The following SPTBN4 variants were observed in gnomAD, a reference collection of about 807,000 sequenced individuals.
The protein encoded by SPTBN4 is spectrin beta, non-erythrocytic 4.
In SPTBN4, 96 loss-of-function variants were observed where a neutral mutation model predicts 277.8. The observed-to-expected ratio is 0.35, with a 90% CI of 0.29 to 0.41. SPTBN4 has a LOEUF of 0.41. SPTBN4 is among the 10% of genes least tolerant of loss of function. The pLI is 1.00. For missense variants in SPTBN4, 3,006 were observed against 3,595.7 expected, an observed-to-expected ratio of 0.84 and a Z score of 4.19; for synonymous variants, 1,481 against 1,580.3, an observed-to-expected ratio of 0.94 and a Z score of 1.49.
At chr19:40,555,986 G>T in intron 24 of SPTBN4, 98 bp from the exon 25 acceptor site, 1 of 1,083,706 alleles carries the variant, frequency 9.2e-7, no homozygotes, top group East Asian at 2.6e-5. Context: ...AAGATTCCAA[G>T]GAAACACAGC....
chr19:40,499,303 G>C (rs1372729390), intron 7 of SPTBN4, among the ~76,000 whole-genome samples: 2 of 150,580 alleles, frequency 1.3e-5, no homozygotes, highest in Non-Finnish European at 3.0e-5. Flanking sequence ...TCCTCCCAAA[G>C]AGCTGGGATT....
chr19:40,519,897 G>A lies in SPTBN4; in HGVS notation c.3400G>A (p.Ala1134Thr). The A allele has an allele frequency of 6.5e-7, 1 of 1,533,678 alleles. No individual in the cohort carries two copies. Residue 1134 changes from alanine (A) to threonine (T), a missense_variant, in exon 16 of 36, where the codon GCG (alanine) becomes ACG (threonine). Ala to Thr is a moderately conservative substitution (Grantham distance 58). Around this residue, in one of 5 missense-constraint regions of SPTBN4, gnomAD observed 1,759 missense variants for 2,061.5 expected, o/e 0.85. Transcript: ENST00000598249. This position sits in a 1 kb window ranked among gnomAD's most constrained non-coding sequence, Gnocchi z 5.7. ...EADALLARHA[A>T]LKEEVDQREE... ...GGACGCGCTGCTGGCGCGCCACGCT[G>A]CGCTCAAGGAGGAGGTGGACCAGCG...
Position 40,566,250 on chromosome 19 carries a change from T to C in SPTBN4, c.6227T>C (p.Leu2076Pro). The change falls in exon 30 of 36, where the codon CTG becomes CCG. Residue 2076 changes from leucine to proline, a missense_variant. This residue lies in a region of SPTBN4 where 425 missense variants were observed against 594.7 expected (regional missense o/e 0.71). Transcript: ENST00000598249. ...GAGCCGCTCCTGCAGAGCCGGGAGCTGGGCAGCAGCGTGGATGAGGTGGAG... is the reference window on the plus strand; with the variant it reads ...GAGCCGCTCCTGCAGAGCCGGGAGCCGGGCAGCAGCGTGGATGAGGTGGAG... Reference protein sequence around the residue: ...AQEPLLQSRELGSSVDEVEQL... With the variant: ...AQEPLLQSREPGSSVDEVEQL... The C allele has an allele frequency of 6.4e-7, 1 of 1,569,472 alleles. No homozygotes were observed. The highest frequency in any genetic ancestry group is 8.6e-7 in the Non-Finnish European group (1 of 1,157,118).
At chr19:40,571,057 A>G in intron 33 of SPTBN4, 1 of 309,520 alleles carries the variant, frequency 3.2e-6, no homozygotes, top group Non-Finnish European at 6.1e-6. Flanking sequence ...GATGATGGGT[A>G]GAGCTTAGGT....
At chr19:40,517,778 A>G (rs1008060818) in intron 15 of SPTBN4, among the ~76,000 whole-genome samples, 10 of 152,304 alleles carry the variant, frequency 6.6e-5, no homozygotes, top group Middle Eastern at 3.4e-3. Flanking sequence ...TACACACTCA[A>G]TGAAGTGGAC....
intron 18 of SPTBN4, among the ~76,000 whole-genome samples, chr19:40,530,178 A>G (rs1205627412): frequency 6.6e-6 from 1 of 151,994 alleles, no homozygotes; most frequent in Non-Finnish European, 1.5e-5. Flanking sequence ...ATGGTTCAGG[A>G]GGCCCCCACC....
chr19:40,535,069 T>C (rs1220580064), intron 20 of SPTBN4, among the ~76,000 whole-genome samples: 3 of 152,170 alleles, frequency 2.0e-5, no homozygotes, highest in Non-Finnish European at 4.4e-5. Context: ...TTTGTTTTTT[T>C]CTTCAAGATA....
At chr19:40,467,624 G>C (rs924826436) in intron 1 of SPTBN4, among the ~76,000 whole-genome samples, 8 of 48,644 alleles carry the variant, frequency 1.6e-4, no homozygotes, top group South Asian at 1.9e-3. Flanking sequence ...CAGCCTTTGC[G>C]GGGGGGGGGG....
chr19:40,474,583 C>G (rs1208242217), intron 2 of SPTBN4, among the ~76,000 whole-genome samples: 1 of 151,920 alleles, frequency 6.6e-6, no homozygotes, highest in African/African-American at 2.4e-5. Context: ...GCATGCGCCA[C>G]CATGCCTGGC....
chr19:40,560,263 A>G lies in SPTBN4; in HGVS notation c.5775A>G (p.Lys1925=). Reference sequence around the variant, plus strand: ...AGCAGGAGGTGCTGCAGGGTTGGAAAGAGCTGCTGTCAGCCTGTGAGGATG... The same window carrying G: ...AGCAGGAGGTGCTGCAGGGTTGGAAGGAGCTGCTGTCAGCCTGTGAGGATG... ...SREQEVLQGW[K]ELLSACEDAR... The change falls in exon 27 of 36, where the codon AAA becomes AAG. Residue 1925 remains lysine (K), a synonymous_variant. Coordinates refer to ENST00000598249, the MANE Select transcript of SPTBN4 (RefSeq NM_020971.3). This position sits in a 1 kb window ranked among gnomAD's most constrained non-coding sequence, Gnocchi z 5.2. 1 of 1,613,856 alleles carries G rather than the reference A, an allele frequency of 6.2e-7. No individual in the cohort carries two copies.
intron 6 of SPTBN4, among the ~76,000 whole-genome samples, chr19:40,496,330 A>C (rs1429170946): frequency 6.6e-6 from 1 of 152,118 alleles, no homozygotes; most frequent in Non-Finnish European, 1.5e-5. Flanking sequence ...TTGTATTTTT[A>C]GTAGAGATGA....
chr19:40,519,253 C>A lies in SPTBN4; in HGVS notation c.2904-148C>A. 2.7e-6 allele frequency: 2 copies of A among 751,568 alleles called. No individual in the cohort carries two copies. Among genetic ancestry groups the A allele is most frequent in the Non-Finnish European group, 3.8e-6 (2 of 524,168 alleles). The allele number at this position is 751,568 out of a possible 1,614,324, so 46.6% of individuals were successfully genotyped here. A position where few individuals can be genotyped will look rare whatever the true frequency, so the allele number is the denominator to read the frequency against. On this transcript the variant is annotated intron_variant, in intron 15 of 35. Coordinates refer to ENST00000598249, the MANE Select transcript of SPTBN4 (RefSeq NM_020971.3). The surrounding 1 kb of genome is among the most constrained non-coding windows in gnomAD (Gnocchi z 5.7). Reference sequence around the variant, plus strand: ...TAAGCAAAAGTGCTGCGTAGGGTTCCATTTTACACCGGCAGAAACTGGAGA... The same window carrying A: ...TAAGCAAAAGTGCTGCGTAGGGTTCAATTTTACACCGGCAGAAACTGGAGA...
intron 20 of SPTBN4, among the ~76,000 whole-genome samples, chr19:40,545,766 G>C (rs1015951161): frequency 6.6e-5 from 10 of 152,008 alleles, no homozygotes; most frequent in African/African-American, 9.7e-5. Flanking sequence ...AATTGGCCAG[G>C]CGTGGTGGCT....
chr19:40,557,164 G>A lies in SPTBN4; in HGVS notation c.5431G>A (p.Gly1811Arg), dbSNP rs756313748. 2.9e-5 allele frequency: 47 copies of A among 1,610,994 alleles called. No homozygotes were observed. In the Admixed American group the frequency reaches 5.2e-4, roughly 18 times the overall value. Reference sequence around the variant, plus strand: ...GGCCACCATGGCCGAGTGGAAGGACGGACTGAACGAGGCCTGGGCTGAGCT... The same window carrying A: ...GGCCACCATGGCCGAGTGGAAGGACAGACTGAACGAGGCCTGGGCTGAGCT... ...AAATMAEWKD[G>R]LNEAWAELLE... Residue 1811 changes from glycine (G) to arginine (R), a missense_variant, in exon 26 of 36, where the codon GGA (glycine) becomes AGA (arginine). Physicochemically the swap from Gly to Arg is moderately radical, Grantham distance 125. This residue lies in a region of SPTBN4 where 425 missense variants were observed against 594.7 expected (regional missense o/e 0.71). Transcript: ENST00000598249.
Position 40,504,142 on chromosome 19 carries a change from GGGGGGC to G in SPTBN4, c.1665+15_1665+20del. The stretch of plus-strand genomic sequence containing the variant: ...GATGGAGGAGATGCAGGTGCCGGCG[GGGGGGC>G]GGGGATGCGGGTGGAGTGCCAGGAG... On this transcript the variant is annotated intron_variant, in intron 12 of 35. Coordinates refer to ENST00000598249, the MANE Select transcript of SPTBN4 (RefSeq NM_020971.3). The G allele has an allele frequency of 3.1e-6, 4 of 1,278,984 alleles. No individual in the cohort carries two copies. Among genetic ancestry groups the G allele is most frequent in the Non-Finnish European group, 4.4e-6 (4 of 907,622 alleles). The allele number at this position is 1,278,984 out of a possible 1,614,324, so 79.2% of individuals were successfully genotyped here.
chr19:40,519,877 C>A lies in SPTBN4; in HGVS notation c.3380C>A (p.Ala1127Glu). The A allele has an allele frequency of 1.3e-6, 2 of 1,503,874 alleles. No homozygotes were observed. Among genetic ancestry groups the A allele is most frequent in the Non-Finnish European group, 1.8e-6 (2 of 1,136,806 alleles). The allele number at this position is 1,503,874 out of a possible 1,614,324, so 93.2% of individuals were successfully genotyped here. ...CCCAACAGCCTAGAAGAGGCGGACGCGCTGCTGGCGCGCCACGCTGCGCTC... is the reference window on the plus strand; with the variant it reads ...CCCAACAGCCTAGAAGAGGCGGACGAGCTGCTGGCGCGCCACGCTGCGCTC... ...PLPNSLEEAD[A>E]LLARHAALKE... The change falls in exon 16 of 36, where the codon GCG becomes GAG. Residue 1127 changes from alanine to glutamate, a missense_variant. Physicochemically the swap from Ala to Glu is moderately radical, Grantham distance 107. Coordinates refer to ENST00000598249, the MANE Select transcript of SPTBN4 (RefSeq NM_020971.3). This position sits in a 1 kb window ranked among gnomAD's most constrained non-coding sequence, Gnocchi z 5.7.
intron 2 of SPTBN4, among the ~76,000 whole-genome samples, chr19:40,486,560 CAG>C (rs1464258824): frequency 1.3e-5 from 2 of 151,824 alleles, no homozygotes; most frequent in African/African-American, 4.8e-5. Flanking sequence ...TTTGTAGAGA[CAG>C]AGTCTTCACC....
Position 40,519,877 on chromosome 19 carries a change from C to G in SPTBN4, c.3380C>G (p.Ala1127Gly). 6.6e-7 allele frequency: 1 copy of G among 1,503,876 alleles called. No homozygotes were observed. Among genetic ancestry groups the G allele is most frequent in the Non-Finnish European group, 8.8e-7 (1 of 1,136,806 alleles). The allele number at this position is 1,503,876 out of a possible 1,614,324, so 93.2% of individuals were successfully genotyped here. A position where few individuals can be genotyped will look rare whatever the true frequency, so the allele number is the denominator to read the frequency against. The change falls in exon 16 of 36, where the codon GCG becomes GGG. Residue 1127 changes from alanine to glycine, a missense_variant. Ala to Gly is a moderately conservative substitution (Grantham distance 60, BLOSUM62 0). Transcript: ENST00000598249. This position sits in a 1 kb window ranked among gnomAD's most constrained non-coding sequence, Gnocchi z 5.7. ...CCCAACAGCCTAGAAGAGGCGGACG[C>G]GCTGCTGGCGCGCCACGCTGCGCTC... is the stretch of plus-strand genomic sequence containing the variant. ...PLPNSLEEADALLARHAALKE... is the reference protein window; with the variant it reads ...PLPNSLEEADGLLARHAALKE...
In SPTBN4 at chr19:40,487,796, G is replaced by A. The variant is rs2080089562; in HGVS notation, c.269G>A (p.Arg90Gln). ...ATCGGGGACCTCTATGTGGACCTCC[G>A]GGACGGCTTCGTGCTCACGCGGCTC... ...CHIGDLYVDLRDGFVLTRLLE... is the reference protein window; with the variant it reads ...CHIGDLYVDLQDGFVLTRLLE... The change falls in exon 3 of 36, where the codon CGG becomes CAG. Residue 90 changes from arginine to glutamine, a missense_variant. Physicochemically the swap from Arg to Gln is conservative, Grantham distance 43. Transcript: ENST00000598249. 6.2e-7 allele frequency: 1 copy of A among 1,612,116 alleles called. No homozygotes were observed. Among genetic ancestry groups the A allele is most frequent in the Non-Finnish European group, 8.5e-7 (1 of 1,179,190 alleles).
Sources: allele counts gnomAD v4.1 joint callset (sites outside exome capture counted in the v4.1 genomes callset), GRCh38; gene constraint gnomAD v4.1.1; regional missense constraint gnomAD v4.1.1; non-coding constraint Gnocchi (gnomAD v3.1); transcripts MANE v1.5; gene names NCBI Gene and HGNC (gene_info 2026-07-23, HGNC 2026-07-21).